BCHE: variants seen among roughly 807,000 people sequenced by gnomAD.
The protein encoded by BCHE is butyrylcholinesterase.
A neutral mutation model predicts 51.3 loss-of-function variants in BCHE; 48 were observed. That is an observed-to-expected ratio of 0.94 (90% CI 0.74 to 1.19). BCHE has a LOEUF of 1.19. Among genes scored for constraint, BCHE ranks in the 50% most tolerant of loss-of-function variants. The probability of loss-of-function intolerance (pLI) is 0.00; values close to 1 mark genes in which losing one functional copy is unlikely to be tolerated. For missense variants in BCHE, 847 were observed against 708.2 expected, an observed-to-expected ratio of 1.20 and a Z score of -2.23; for synonymous variants, 251 against 238.0, an observed-to-expected ratio of 1.05 and a Z score of -0.50.
chr3:165,819,741 C>A (rs913474637), intron 2 of BCHE, among the ~76,000 whole-genome samples: 58 of 32,560 alleles, frequency 1.8e-3, no homozygotes, highest in African/African-American at 3.9e-3. Flanking sequence ...TTGCTAAATT[C>A]AATAAATAAT....
chr3:165,781,683 G>C (rs994242289), intron 3 of BCHE, among the ~76,000 whole-genome samples: 1 of 152,096 alleles, frequency 6.6e-6, no homozygotes, highest in African/African-American at 2.4e-5. Context: ...GGCTCAACAA[G>C]CCGCCATGAC....
intron 2 of BCHE, among the ~76,000 whole-genome samples, chr3:165,793,661 A>G (rs775170826): frequency 1.3e-5 from 2 of 152,212 alleles, no homozygotes; most frequent in African/African-American, 4.8e-5. Context: ...TATTTTTAAG[A>G]AAAACAGTAT....
intron 2 of BCHE, among the ~76,000 whole-genome samples, chr3:165,805,702 A>G (rs577539239): frequency 7.2e-5 from 11 of 152,056 alleles, no homozygotes; most frequent in Non-Finnish European, 1.2e-4. Context: ...TTTTACTTTT[A>G]TTTTTGTTAA....
chr3:165,827,868 A>G (rs1714789025), intron 2 of BCHE: 1 of 317,798 alleles, frequency 3.1e-6, no homozygotes, highest in African/African-American at 2.2e-5. Context: ...TTTTACAGCT[A>G]CGGGTAATAT....
chr3:165,784,606 A>G (rs1445285334), intron 3 of BCHE, among the ~76,000 whole-genome samples: 2 of 151,836 alleles, frequency 1.3e-5, no homozygotes, highest in Non-Finnish European at 2.9e-5. Flanking sequence ...AAAACTTTGG[A>G]GTTTGTTTAT....
chr3:165,784,882 T>C (rs1712883381), intron 3 of BCHE, among the ~76,000 whole-genome samples: 1 of 151,764 alleles, frequency 6.6e-6, no homozygotes, highest in African/African-American at 2.4e-5. Flanking sequence ...TAAATGATAG[T>C]ATCTCTTTGG....
At position 165,785,845 on chromosome 3, in the gene BCHE, T is replaced by G. The variant is rs143756012; in HGVS notation, c.1684+300A>C. The stretch of plus-strand genomic sequence containing the variant: ...ATTAATTAATTCCACAAAGATTATC[T>G]GAATAACAAGTAGGGCTCTATTTTA... On this transcript the variant is annotated intron_variant, in intron 3 of 3. Transcript: ENST00000264381. Among the ~76,000 whole-genome samples the G allele has an allele frequency of 6.9e-3, 1,044 of 151,894 alleles. 1 individual carries two copies. The highest frequency in any genetic ancestry group is 0.011 in the Non-Finnish European group (732 of 67,696).
chr3:165,801,161 A>C (rs2108214135), intron 2 of BCHE, among the ~76,000 whole-genome samples: 1 of 152,340 alleles, frequency 6.6e-6, no homozygotes, highest in African/African-American at 2.4e-5. Flanking sequence ...ATATAGCACA[A>C]GCAATTCCTT....
intron 2 of BCHE, among the ~76,000 whole-genome samples, 162 bp from the exon 3 acceptor site, chr3:165,786,473 G>T (rs571086622): frequency 6.6e-6 from 1 of 151,896 alleles, no homozygotes; most frequent in East Asian, 1.9e-4. Context: ...GGGCTTAGTG[G>T]TTTGAGCACT....
intron 3 of BCHE, among the ~76,000 whole-genome samples, chr3:165,783,997 G>A (rs964803524): frequency 3.9e-5 from 6 of 151,916 alleles, no homozygotes; most frequent in South Asian, 4.1e-4. Context: ...TTGCTCAAAC[G>A]TAAACTATTG....
chr3:165,821,613 A>G (rs1714520991), intron 2 of BCHE, among the ~76,000 whole-genome samples: 1 of 151,922 alleles, frequency 6.6e-6, no homozygotes, highest in South Asian at 2.1e-4. Context: ...TATTGAGTGT[A>G]TTTCAGGTAC....
intron 2 of BCHE, among the ~76,000 whole-genome samples, chr3:165,798,238 G>A (rs189024469): frequency 1.9e-3 from 292 of 152,130 alleles, no homozygotes; most frequent in Admixed American, 4.7e-3. Context: ...AAACTACAGC[G>A]TATCCTTTCA....
At chr3:165,808,734 C>T (rs1268015658) in intron 2 of BCHE, among the ~76,000 whole-genome samples, 1 of 151,758 alleles carries the variant, frequency 6.6e-6, no homozygotes, top group African/African-American at 2.4e-5. Flanking sequence ...ACCACTGCAC[C>T]CCAGCCTGGG....
intron 2 of BCHE, 110 bp downstream of exon 2, chr3:165,829,407 A>T: frequency 1.0e-6 from 1 of 992,824 alleles, no homozygotes; most frequent in Non-Finnish European, 1.6e-6. Context: ...TAGAACAAAT[A>T]ATTAAAACAT....
intron 2 of BCHE, among the ~76,000 whole-genome samples, chr3:165,808,872 C>A (rs889689257): frequency 1.3e-5 from 2 of 152,076 alleles, no homozygotes; most frequent in African/African-American, 2.4e-5. Context: ...TCTAAAGAGC[C>A]ATTCATATCT....
At chr3:165,800,487 A>G (rs1379961210) in intron 2 of BCHE, among the ~76,000 whole-genome samples, 1 of 152,110 alleles carries the variant, frequency 6.6e-6, no homozygotes, top group Non-Finnish European at 1.5e-5. Flanking sequence ...ATATCCCCAT[A>G]AATTTTACCC....
intron 2 of BCHE, among the ~76,000 whole-genome samples, chr3:165,791,988 T>TAAAATAAAATA (rs372410356): frequency 2.6e-5 from 4 of 151,398 alleles, no homozygotes; most frequent in Non-Finnish European, 1.5e-5. Context: ...TAAAATAAAA[T>TAAAATAAAATA]AAAGAGTTCA....
chr3:165,779,037 T>C (rs367567040), intron 3 of BCHE, among the ~76,000 whole-genome samples: 4 of 152,282 alleles, frequency 2.6e-5, no homozygotes, highest in Admixed American at 6.6e-5. Flanking sequence ...AAAATACTTA[T>C]GTTGGCTTTA....
intron 2 of BCHE, among the ~76,000 whole-genome samples, chr3:165,820,511 G>C (rs986701137): frequency 6.6e-6 from 1 of 151,914 alleles, no homozygotes; most frequent in Non-Finnish European, 1.5e-5. Flanking sequence ...CATTGATGCT[G>C]TTATGATAAC....
Sources: allele counts gnomAD v4.1 joint callset (sites outside exome capture counted in the v4.1 genomes callset), GRCh38; gene constraint gnomAD v4.1.1; transcripts MANE v1.5; gene names NCBI Gene and HGNC (gene_info 2026-07-23, HGNC 2026-07-21).